The following ZNF425 variants were observed in gnomAD, a reference collection of about 807,000 sequenced individuals.
The protein encoded by ZNF425 is zinc finger protein 425.
In ZNF425, 21 loss-of-function variants were observed where a neutral mutation model predicts 17.0. That is an observed-to-expected ratio of 1.23 (90% CI 0.88 to 1.78). The LOEUF (loss-of-function observed/expected upper bound fraction) is 1.78, where lower values mean the gene tolerates loss of function less well. ZNF425 is among the 40% of genes most tolerant of loss of function. ZNF425 has a pLI of 0.00. For synonymous variants in ZNF425, 433 were observed against 384.1 expected, an observed-to-expected ratio of 1.13 and a Z score of -1.49; for missense variants, 868 against 967.3, an observed-to-expected ratio of 0.90 and a Z score of 1.36.
chr7:149,109,203 C>G (rs146372029), intron 3 of ZNF425, among the ~76,000 whole-genome samples: 6,769 of 151,744 alleles, frequency 0.045, 512 homozygotes, highest in African/African-American at 0.15. Flanking sequence ...TCACCCTCCT[C>G]AGTAGCTGGG....
rs777466299 is a variant in ZNF425 at position 149,118,312 on chromosome 7, A to G, written c.55T>C (p.Ser19Pro). 13 of 1,614,178 alleles carry G rather than the reference A, an allele frequency of 8.1e-6. No homozygotes were observed. Among genetic ancestry groups the G allele is most frequent in the African/African-American group, 1.3e-5 (1 of 75,056 alleles). ...TCCAGGATCTCCCACTCTTGTTCCGAAAAATATAAGGCCACATCATCAAAT... is the reference window on the plus strand; with the variant it reads ...TCCAGGATCTCCCACTCTTGTTCCGGAAAATATAAGGCCACATCATCAAAT... ...VTFDDVALYFSEQEWEILEKW... is the reference protein window; with the variant it reads ...VTFDDVALYFPEQEWEILEKW... Residue 19 changes from serine to proline, a missense_variant, in exon 2 of 4, where the codon TCG (serine) becomes CCG (proline). By Grantham distance (74) the Ser-to-Pro change is moderately conservative. Transcript: ENST00000378061.
chr7:149,114,740 T>A (rs1826231051), intron 2 of ZNF425, among the ~76,000 whole-genome samples: 1 of 146,650 alleles, frequency 6.8e-6, no homozygotes, highest in Non-Finnish European at 1.5e-5. Context: ...AAGTTAAGGA[T>A]GATATGGATT....
Position 149,103,677 on chromosome 7 carries a change from T to C in ZNF425, c.2194A>G (p.Thr732Ala), listed in dbSNP as rs752271420. 1.9e-6 allele frequency: 3 copies of C among 1,614,078 alleles called. No homozygotes were observed. The South Asian group carries it at 3.3e-5, about 18-fold the overall frequency. Reference protein sequence around the residue: ...FSCDECGRSFTYVGALKTHIA... With the variant: ...FSCDECGRSFAYVGALKTHIA... ...TGGGTCTTGAGCGCCCCCACGTACG[T>C]GAAGCTCCTTCCACACTCATCACAA... The change falls in exon 4 of 4, where the codon ACG becomes GCG. Residue 732 changes from threonine (T) to alanine (A), a missense_variant. This residue lies in a region of ZNF425 where 437 missense variants were observed against 444.2 expected (regional missense o/e 0.98). Transcript: ENST00000378061.
At chr7:149,109,054 G>T (rs893281518) in intron 3 of ZNF425, among the ~76,000 whole-genome samples, 2 of 151,496 alleles carry the variant, frequency 1.3e-5, no homozygotes, top group Non-Finnish European at 2.9e-5. Context: ...AGGCAGGTTG[G>T]TGTCTTCTCT....
intron 2 of ZNF425, 139 bp downstream of exon 2, chr7:149,118,083 T>C (rs1826295351): frequency 1.1e-6 from 1 of 891,046 alleles, no homozygotes; most frequent in Admixed American, 2.3e-5. Flanking sequence ...TCCCAGGCCA[T>C]TATAGGAAAG....
At chr7:149,114,931 C>CTTT (rs35954198) in intron 2 of ZNF425, among the ~76,000 whole-genome samples, 46 of 101,002 alleles carry the variant, frequency 4.6e-4, no homozygotes, top group Non-Finnish European at 6.9e-4. Context: ...TCTTTCTTTT[C>CTTT]TTTTTTTTTT....
At position 149,110,992 on chromosome 7, in the gene ZNF425, G is replaced by A. The variant is rs202096734; in HGVS notation, c.304+1145C>T. ...GTATTTTTAGTAGAGAGGGGGTTTC[G>A]CCATGTTGGCCAGGCTGGTCTCGAA... On this transcript the variant is annotated intron_variant, in intron 3 of 3. Transcript: ENST00000378061. 4.0e-5 allele frequency among the ~76,000 whole-genome samples: 6 copies of A among 151,350 alleles called. No homozygotes were observed. The East Asian group carries it at 8.0e-4, about 20-fold the overall frequency.
At chr7:149,107,255 C>T (rs1274014472) in intron 3 of ZNF425, among the ~76,000 whole-genome samples, 1 of 151,800 alleles carries the variant, frequency 6.6e-6, no homozygotes, top group Non-Finnish European at 1.5e-5. Flanking sequence ...TTACTGAATT[C>T]ACAAATAACA....
intron 1 of ZNF425, among the ~76,000 whole-genome samples, chr7:149,123,218 G>A (rs560233447): frequency 1.3e-5 from 2 of 152,284 alleles, no homozygotes; most frequent in African/African-American, 4.8e-5. Context: ...TGTCAAGAGG[G>A]AAGCAACAGA....
At chr7:149,118,950 GT>G (rs1391808256) in intron 1 of ZNF425, among the ~76,000 whole-genome samples, 1 of 152,104 alleles carries the variant, frequency 6.6e-6, no homozygotes, top group Non-Finnish European at 1.5e-5. Context: ...TGCTGGATGT[GT>G]CAGTTTTTGA....
intron 1 of ZNF425, among the ~76,000 whole-genome samples, chr7:149,124,979 T>A (rs1008759256): frequency 1.3e-5 from 2 of 152,248 alleles, no homozygotes; most frequent in Admixed American, 1.3e-4. Context: ...AATAAACTGT[T>A]ACCACATTTT....
intron 3 of ZNF425, 77 bp from the exon 4 acceptor site, chr7:149,105,643 A>C: frequency 1.1e-6 from 1 of 934,218 alleles, no homozygotes; most frequent in Non-Finnish European, 1.4e-6. Context: ...TCTTTTAAAA[A>C]TTTATTATTA....
At chr7:149,116,946 T>C (rs917563291) in intron 2 of ZNF425, among the ~76,000 whole-genome samples, 11 of 152,112 alleles carry the variant, frequency 7.2e-5, no homozygotes, top group African/African-American at 2.7e-4. Context: ...TGAGATCACT[T>C]ATTATATTGA....
At position 149,118,172 on chromosome 7, in the gene ZNF425, G is replaced by T. The variant is rs1181884549; in HGVS notation, c.145+50C>A. ...CGGCTCATACAGGGAAGGAAGCCTGGTACTATTAGGTTGGTTCCTAAAAAG... is the reference window on the plus strand; with the variant it reads ...CGGCTCATACAGGGAAGGAAGCCTGTTACTATTAGGTTGGTTCCTAAAAAG... On this transcript the variant is annotated intron_variant, in intron 2 of 3. Transcript: ENST00000378061. The T allele has an allele frequency of 1.9e-6, 3 of 1,610,582 alleles. No individual in the cohort carries two copies. The South Asian group carries it at 3.3e-5, about 18-fold the overall frequency.
intron 1 of ZNF425, among the ~76,000 whole-genome samples, chr7:149,122,030 C>T (rs2129518610): frequency 6.6e-6 from 1 of 151,906 alleles, no homozygotes. Flanking sequence ...ATTCTTCTGC[C>T]TCAGCCTCCT....
At chr7:149,116,914 G>A (rs968846982) in intron 2 of ZNF425, among the ~76,000 whole-genome samples, 1 of 152,066 alleles carries the variant, frequency 6.6e-6, no homozygotes, top group Non-Finnish European at 1.5e-5. Context: ...CCCAAGCAGG[G>A]AATGAGTCCT....
intron 2 of ZNF425, among the ~76,000 whole-genome samples, chr7:149,116,311 C>A (rs971768613): frequency 6.6e-6 from 1 of 152,192 alleles, no homozygotes; most frequent in Non-Finnish European, 1.5e-5. Flanking sequence ...ATGAGCATCT[C>A]AGATGTAATG....
rs55950010 is a variant in ZNF425 at position 149,114,371 on chromosome 7, CTTTTTTTTT to C, written c.146-2085_146-2077del. ...ACAGGCGTGAGCCACTGCGCCCAGCCTTTTTTTTTTTTTTTTTTTCTTTGAAATGGAGTC... is the reference window on the plus strand; with the variant it reads ...ACAGGCGTGAGCCACTGCGCCCAGCCTTTTTTTTTTCTTTGAAATGGAGTC... On this transcript the variant is annotated intron_variant, in intron 2 of 3. Coordinates refer to ENST00000378061, the MANE Select transcript of ZNF425 (RefSeq NM_001001661.3). Among the ~76,000 whole-genome samples, 8 of 112,536 alleles carry C rather than the reference CTTTTTTTTT, an allele frequency of 7.1e-5. No individual in the cohort carries two copies. In the East Asian group the frequency reaches 2.2e-3, roughly 31 times the overall value. 73.8% of individuals were successfully genotyped at this position (112,536 alleles called of 152,430 possible).
At chr7:149,124,526 TTTGTTG>T (rs201558229) in intron 1 of ZNF425, among the ~76,000 whole-genome samples, 1 of 150,780 alleles carries the variant, frequency 6.6e-6, no homozygotes, top group Admixed American at 6.6e-5. Flanking sequence ...CCCATATTTT[TTTGTTG>T]TTGTTGTTGT....
Sources: gnomAD v4.1 joint callset for allele counts (sites outside exome capture counted in the v4.1 genomes callset) on GRCh38, gnomAD v4.1.1 for gene constraint, gnomAD v4.1.1 regional missense constraint, MANE v1.5 for transcripts, NCBI Gene and HGNC (gene_info 2026-07-23, HGNC 2026-07-21) for gene names.